The following STRN3 variants were observed in gnomAD, a reference collection of about 807,000 sequenced individuals.
The protein encoded by STRN3 is striatin-3.
STRN3 carries 29 observed loss-of-function variants against 95.6 expected under a neutral mutation model. The ratio of observed to expected loss-of-function variants is 0.30; its 90% confidence interval spans 0.23 to 0.41. STRN3 has a LOEUF of 0.41. Ranked by LOEUF, STRN3 falls within the 10% of genes least tolerant of loss-of-function variation. STRN3 has a pLI of 1.00. For synonymous variants in STRN3, 331 were observed against 357.6 expected, an observed-to-expected ratio of 0.93 and a Z score of 0.84; for missense variants, 890 against 972.1, an observed-to-expected ratio of 0.92 and a Z score of 1.12.
At position 30,895,647 on chromosome 14, in the gene STRN3, G is replaced by T. The variant is rs780537478; in HGVS notation, c.2224+15C>A. On this transcript the variant is annotated intron_variant, in intron 17 of 17. Coordinates refer to ENST00000357479, the MANE Select transcript of STRN3 (RefSeq NM_001083893.2). ...TTTATAAAGTTTGTGGGCAGTACAG[G>T]ACTTTAAGACTTACTTCCAGACATC... The T allele has an allele frequency of 6.2e-7, 1 of 1,612,362 alleles. No homozygotes were observed. The highest frequency in any genetic ancestry group is 8.5e-7 in the Non-Finnish European group (1 of 1,179,484).
At chr14:30,953,713 T>C (rs1010418551) in intron 3 of STRN3, among the ~76,000 whole-genome samples, 11 of 152,316 alleles carry the variant, frequency 7.2e-5, no homozygotes, top group African/African-American at 2.6e-4. Context: ...CACTGTAGCC[T>C]TGACCTCCCG....
intron 1 of STRN3, among the ~76,000 whole-genome samples, chr14:31,008,532 T>A (rs1882823322): frequency 6.6e-6 from 1 of 151,874 alleles, no homozygotes; most frequent in South Asian, 2.1e-4. Context: ...ATCTAAAAAT[T>A]ATATATTGCC....
intron 1 of STRN3, among the ~76,000 whole-genome samples, chr14:31,008,750 T>C (rs1241141648): frequency 1.3e-5 from 2 of 151,902 alleles, no homozygotes; most frequent in African/African-American, 4.8e-5. Context: ...AGCAGAATTT[T>C]AGAAACAGCT....
chr14:31,000,295 T>C (rs1418942799), intron 1 of STRN3, among the ~76,000 whole-genome samples: 3 of 151,458 alleles, frequency 2.0e-5, no homozygotes, highest in Non-Finnish European at 4.4e-5. Context: ...TAAAAGGCAA[T>C]CACATTAAGC....
intron 12 of STRN3, 132 bp from the exon 13 acceptor site, chr14:30,911,294 ACTTTT>A: frequency 1.4e-6 from 1 of 718,754 alleles, no homozygotes; most frequent in Non-Finnish European, 2.0e-6. Context: ...CCTGACTGGT[ACTTTT>A]TTTTTTTTTT....
At chr14:30,965,135 T>A (rs563336127) in intron 1 of STRN3, among the ~76,000 whole-genome samples, 1 of 152,298 alleles carries the variant, frequency 6.6e-6, no homozygotes, top group African/African-American at 2.4e-5. Flanking sequence ...AAATTACTAG[T>A]CACTAGTTCA....
intron 1 of STRN3, among the ~76,000 whole-genome samples, chr14:30,983,196 T>C (rs537009055): frequency 2.2e-4 from 33 of 152,268 alleles, no homozygotes; most frequent in African/African-American, 7.9e-4. Flanking sequence ...CAATCTCTTA[T>C]AATACCTCAA....
intron 16 of STRN3, among the ~76,000 whole-genome samples, chr14:30,900,999 T>C (rs1428539881): frequency 6.6e-6 from 1 of 152,192 alleles, no homozygotes; most frequent in Non-Finnish European, 1.5e-5. Context: ...TTCCTGAACT[T>C]TCCCATATAA....
At position 30,933,237 on chromosome 14, in the gene STRN3, C is replaced by T. The variant is rs538093794; in HGVS notation, c.988+1926G>A. 2.1e-4 allele frequency among the ~76,000 whole-genome samples: 30 copies of T among 140,528 alleles called. 1 individual carries two copies. Among genetic ancestry groups the T allele is most frequent in the African/African-American group, 7.2e-4 (27 of 37,714 alleles). 92.2% of individuals were successfully genotyped at this position (140,528 alleles called of 152,430 possible). On this transcript the variant is annotated intron_variant, in intron 7 of 17. Transcript: ENST00000357479. ...AAGGTCACAGACAGCCAAGATTGCA[C>T]CACGGCACCCCAGCCTGGGCAATAA...
At chr14:30,953,213 A>C (rs535634965) in intron 3 of STRN3, among the ~76,000 whole-genome samples, 14 of 152,172 alleles carry the variant, frequency 9.2e-5, no homozygotes, top group Non-Finnish European at 1.6e-4. Context: ...TAGCTCAAGG[A>C]ATTTTTGAAC....
At chr14:30,990,670 G>A (rs1042570253) in intron 1 of STRN3, among the ~76,000 whole-genome samples, 3 of 152,068 alleles carry the variant, frequency 2.0e-5, no homozygotes, top group Admixed American at 6.6e-5. Context: ...GTGAGGGAGC[G>A]GTTTCAGGAC....
At chr14:30,996,559 A>G (rs924503297) in intron 1 of STRN3, among the ~76,000 whole-genome samples, 2 of 152,238 alleles carry the variant, frequency 1.3e-5, no homozygotes, top group African/African-American at 4.8e-5. Context: ...ATACTTTGAC[A>G]ACCTCTGCAT....
intron 5 of STRN3, among the ~76,000 whole-genome samples, chr14:30,939,863 C>T (rs537763367): frequency 6.6e-6 from 1 of 152,256 alleles, no homozygotes; most frequent in East Asian, 1.9e-4. Context: ...CCCACATCCA[C>T]ACTTCCTCCC....
chr14:30,927,380 T>C (rs974224920), intron 8 of STRN3, among the ~76,000 whole-genome samples: 1 of 151,708 alleles, frequency 6.6e-6, no homozygotes, highest in Non-Finnish European at 1.5e-5. Context: ...AAAAAAAAAA[T>C]TTTAAGAAAA....
At chr14:30,984,137 A>ACCCC (rs1555324188) in intron 1 of STRN3, among the ~76,000 whole-genome samples, 23 of 56,142 alleles carry the variant, frequency 4.1e-4, no homozygotes, top group Non-Finnish European at 6.0e-4. Flanking sequence ...GCCCCCCCCA[A>ACCCC]CCCCCCCCCA....
intron 1 of STRN3, among the ~76,000 whole-genome samples, chr14:30,969,000 G>T (rs1880689367): frequency 6.6e-6 from 1 of 152,150 alleles, no homozygotes. Flanking sequence ...AACATTAATT[G>T]TAAAGGAAAT....
chr14:30,971,798 A>C (rs1880843186), intron 1 of STRN3, among the ~76,000 whole-genome samples: 1 of 152,180 alleles, frequency 6.6e-6, no homozygotes, highest in South Asian at 2.1e-4. Flanking sequence ...AATGGAAAGG[A>C]ATAATAGCCT....
At chr14:31,021,637 T>G (rs571734272) in intron 1 of STRN3, among the ~76,000 whole-genome samples, 2 of 151,710 alleles carry the variant, frequency 1.3e-5, no homozygotes, top group African/African-American at 4.8e-5. Context: ...AGAAAACATA[T>G]GAAGAAAAGT....
At chr14:30,958,905 C>T (rs951884199) in intron 1 of STRN3, among the ~76,000 whole-genome samples, 2 of 152,120 alleles carry the variant, frequency 1.3e-5, no homozygotes, top group Non-Finnish European at 2.9e-5. Flanking sequence ...GTAAAATAGA[C>T]AAGCACAAAC....
Sources: gnomAD v4.1 joint callset for allele counts (sites outside exome capture counted in the v4.1 genomes callset) on GRCh38, gnomAD v4.1.1 for gene constraint, MANE v1.5 for transcripts, NCBI Gene and HGNC (gene_info 2026-07-23, HGNC 2026-07-21) for gene names.